WNT6: variants seen among roughly 807,000 people sequenced by gnomAD.
The protein encoded by WNT6 is protein Wnt-6.
Under a neutral mutation model 33.1 loss-of-function variants are expected in WNT6, and 27 were observed. The observed-to-expected ratio is 0.82, with a 90% CI of 0.60 to 1.12. The LOEUF (loss-of-function observed/expected upper bound fraction) is 1.12, where lower values mean the gene tolerates loss of function less well. Ranked by LOEUF, WNT6 falls within the 50% of genes most tolerant of loss-of-function variation. WNT6 has a pLI of 0.00. For missense variants in WNT6, 494 were observed against 535.3 expected, an observed-to-expected ratio of 0.92 and a Z score of 0.76; for synonymous variants, 249 against 242.8, an observed-to-expected ratio of 1.03 and a Z score of -0.24.
chr2:218,870,286 C>A (rs896744615), intron 1 of WNT6, among the ~76,000 whole-genome samples: 3 of 151,982 alleles, frequency 2.0e-5, no homozygotes, highest in Admixed American at 1.3e-4. Flanking sequence ...GTCAGTGTCA[C>A]CTACTTTCCA....
chr2:218,872,391 G>A (rs1410694611), intron 3 of WNT6, among the ~76,000 whole-genome samples: 1 of 152,172 alleles, frequency 6.6e-6, no homozygotes, highest in East Asian at 1.9e-4. Flanking sequence ...TCAGGTGGAG[G>A]CCAGGACAGC....
Position 218,871,495 on chromosome 2 carries a change from G to A in WNT6, c.312G>A (p.Glu104=), listed in dbSNP as rs1487399234. 8.1e-6 allele frequency: 13 copies of A among 1,597,486 alleles called. No homozygotes were observed. The highest frequency in any genetic ancestry group is 1.1e-5 in the Non-Finnish European group (13 of 1,179,396). ...FGRILQQDIR[E]TAFVFAITAA... is the part of the protein sequence containing the mutation. ...TGTCTGCATTCACAGACATTCGGGAGACGGCCTTCGTGTTCGCCATCACTG... is the reference window on the plus strand; with the variant it reads ...TGTCTGCATTCACAGACATTCGGGAAACGGCCTTCGTGTTCGCCATCACTG... The change falls in exon 3 of 4, where the codon GAG becomes GAA. Residue 104 remains glutamate, a synonymous_variant. Transcript: ENST00000233948. This position sits in a 1 kb window ranked among gnomAD's most constrained non-coding sequence, Gnocchi z 6.4.
At chr2:218,864,352 C>T (rs762914587) in intron 1 of WNT6, among the ~76,000 whole-genome samples, 4 of 152,214 alleles carry the variant, frequency 2.6e-5, no homozygotes, top group Non-Finnish European at 4.4e-5. Context: ...CTCTGCCACC[C>T]GGGTTCAAGT....
rs1944361626 is a variant in WNT6, at chr2:218,867,309, G to A, written c.81-3718G>A. Reference sequence around the variant, plus strand: ...TGCTCATCTGCATAACGAGGGTGAAGTGGGTGGGGCTGAACTGGGTGATCT... The same window carrying A: ...TGCTCATCTGCATAACGAGGGTGAAATGGGTGGGGCTGAACTGGGTGATCT... On this transcript the variant is annotated intron_variant, in intron 1 of 3. Transcript: ENST00000233948. This position sits in a 1 kb window ranked among gnomAD's most constrained non-coding sequence, Gnocchi z 4.9. Among the ~76,000 whole-genome samples the A allele has an allele frequency of 6.6e-6, 1 of 152,220 alleles. No individual in the cohort carries two copies. The highest frequency in any genetic ancestry group is 1.5e-5 in the Non-Finnish European group (1 of 68,046).
intron 1 of WNT6, among the ~76,000 whole-genome samples, chr2:218,866,352 G>A (rs1944354543): frequency 6.6e-6 from 1 of 152,196 alleles, no homozygotes. Context: ...TGCCTGCTGG[G>A]GAAGAGGAGG....
intron 1 of WNT6, 44 bp from the exon 2 acceptor site, chr2:218,870,983 C>CT: frequency 1.3e-6 from 2 of 1,532,432 alleles, no homozygotes; most frequent in East Asian, 2.3e-5. Context: ...ACCCCAAGCC[C>CT]TTTTTTGGGT....
At chr2:218,864,143 T>C (rs1944333500) in intron 1 of WNT6, among the ~76,000 whole-genome samples, 1 of 152,250 alleles carries the variant, frequency 6.6e-6, no homozygotes, top group African/African-American at 2.4e-5. Flanking sequence ...TTACAACATC[T>C]GACCCATCAT....
intron 1 of WNT6, among the ~76,000 whole-genome samples, chr2:218,865,719 C>T (rs1202207572): frequency 6.6e-6 from 1 of 152,080 alleles, no homozygotes; most frequent in African/African-American, 2.4e-5. Flanking sequence ...GATAGGTGCT[C>T]CCCACCCCAA....
At chr2:218,862,428 C>T (rs1004370578) in intron 1 of WNT6, among the ~76,000 whole-genome samples, 1 of 151,836 alleles carries the variant, frequency 6.6e-6, no homozygotes, top group Non-Finnish European at 1.5e-5. Context: ...TCATGGCAAC[C>T]TCTGTCTCCC....
Position 218,873,789 on chromosome 2 carries a change from T to C in WNT6, c.1042T>C (p.Cys348Arg). ...ENCLCRFHWCCVVQCHRCRVR... is the reference protein window; with the variant it reads ...ENCLCRFHWCRVVQCHRCRVR... ...CTGCCTGTGCCGCTTCCACTGGTGC[T>C]GCGTAGTACAGTGCCACCGCTGCCG... The change falls in exon 4 of 4, where the codon TGC (cysteine) becomes CGC (arginine). Residue 348 changes from cysteine to arginine, a missense_variant. By Grantham distance (180) the Cys-to-Arg change is radical (BLOSUM62 -3). Transcript: ENST00000233948. This position sits in a 1 kb window ranked among gnomAD's most constrained non-coding sequence, Gnocchi z 6.1. The C allele has an allele frequency of 6.3e-7, 1 of 1,576,392 alleles. No individual in the cohort carries two copies. Among genetic ancestry groups the C allele is most frequent in the Non-Finnish European group, 8.6e-7 (1 of 1,167,456 alleles).
At chr2:218,863,112 C>A (rs1162548445) in intron 1 of WNT6, among the ~76,000 whole-genome samples, 1 of 152,230 alleles carries the variant, frequency 6.6e-6, no homozygotes, top group African/African-American at 2.4e-5. Context: ...TACCAGTGCC[C>A]TCCAAGATCA....
At chr2:218,860,333 C>T (rs1187851820) in intron 1 of WNT6, among the ~76,000 whole-genome samples, 2 of 152,242 alleles carry the variant, frequency 1.3e-5, no homozygotes, top group Non-Finnish European at 1.5e-5. Flanking sequence ...CTCCCACCCC[C>T]CGCCAAGTTA....
intron 1 of WNT6, among the ~76,000 whole-genome samples, chr2:218,868,736 A>G (rs1944373966): frequency 1.3e-5 from 2 of 152,216 alleles, no homozygotes; most frequent in Admixed American, 6.5e-5. Context: ...TGTTCATTGT[A>G]TAATATACTA....
intron 1 of WNT6, among the ~76,000 whole-genome samples, chr2:218,868,800 T>C (rs1198007445): frequency 6.6e-6 from 1 of 152,084 alleles, no homozygotes; most frequent in Non-Finnish European, 1.5e-5. Context: ...GTAATGAAAA[T>C]TGGGGTTGGG....
intron 1 of WNT6, among the ~76,000 whole-genome samples, chr2:218,870,238 A>G (rs1298013448): frequency 6.6e-6 from 1 of 151,948 alleles, no homozygotes; most frequent in South Asian, 2.1e-4. Context: ...AAAAAAAAAA[A>G]AAAGAACGAA....
chr2:218,860,985 G>T (rs1357622531), intron 1 of WNT6, among the ~76,000 whole-genome samples: 2 of 152,186 alleles, frequency 1.3e-5, no homozygotes, highest in South Asian at 2.1e-4. Context: ...CTCCAGAGCC[G>T]CAAACCCTCG....
chr2:218,861,950 A>C (rs61241255), intron 1 of WNT6, among the ~76,000 whole-genome samples: 6,327 of 152,222 alleles, frequency 0.042, 456 homozygotes, highest in African/African-American at 0.14. Flanking sequence ...CCTGAGGCCT[A>C]GGAGTGTGTT....
rs1944403255 is a variant in WNT6, at chr2:218,871,685, G to C, written c.502G>C (p.Glu168Gln). ...CTCCCCGGAAGGCAGCGCCGCCTGGGAGTGGGGAGGCTGCGGCGACGACGT... is the reference window on the plus strand; with the variant it reads ...CTCCCCGGAAGGCAGCGCCGCCTGGCAGTGGGGAGGCTGCGGCGACGACGT... Reference protein sequence around the residue: ...AGSPEGSAAWEWGGCGDDVDF... With the variant: ...AGSPEGSAAWQWGGCGDDVDF... The change falls in exon 3 of 4, where the codon GAG (glutamate) becomes CAG (glutamine). Residue 168 changes from glutamate (E) to glutamine (Q), a missense_variant. Glu to Gln is a conservative substitution (Grantham distance 29). Coordinates refer to ENST00000233948, the MANE Select transcript of WNT6 (RefSeq NM_006522.4). The surrounding 1 kb of genome is among the most constrained non-coding windows in gnomAD (Gnocchi z 6.4). 6.4e-7 allele frequency: 1 copy of C among 1,573,708 alleles called. No individual in the cohort carries two copies. Among genetic ancestry groups the C allele is most frequent in the African/African-American group, 1.4e-5 (1 of 71,774 alleles).
rs1312001134 is a variant in WNT6 at position 218,873,457 on chromosome 2, G to A, written c.710G>A (p.Trp237Ter). ...LSGSCALRTC[W>*]QKLPPFREVG... ...GGATCATGCGCGCTGCGCACCTGCT[G>A]GCAGAAGCTGCCTCCATTTCGCGAG... The change falls in exon 4 of 4, where the codon TGG (tryptophan) becomes TAG (stop). Residue 237 changes from tryptophan to a stop codon, truncating the protein, a stop_gained. Coordinates refer to ENST00000233948, the MANE Select transcript of WNT6 (RefSeq NM_006522.4). LOFTEE classifies it high-confidence loss of function. This position sits in a 1 kb window ranked among gnomAD's most constrained non-coding sequence, Gnocchi z 6.1. 2 of 1,538,732 alleles carry A rather than the reference G, an allele frequency of 1.3e-6. No homozygotes were observed. Among genetic ancestry groups the A allele is most frequent in the African/African-American group, 2.7e-5 (2 of 73,032 alleles).
Sources: allele counts gnomAD v4.1 joint callset (sites outside exome capture counted in the v4.1 genomes callset), GRCh38; gene constraint gnomAD v4.1.1; non-coding constraint Gnocchi (gnomAD v3.1); transcripts MANE v1.5; gene names NCBI Gene and HGNC (gene_info 2026-07-23, HGNC 2026-07-21).